SRRM4: variants seen among roughly 807,000 people sequenced by gnomAD.
SRRM4 encodes serine/arginine repetitive matrix 4, also known as serine/arginine repetitive matrix protein 4.
A neutral mutation model predicts 68.9 loss-of-function variants in SRRM4; 33 were observed. The observed-to-expected ratio is 0.48, with a 90% confidence interval of 0.36 to 0.64. The LOEUF (loss-of-function observed/expected upper bound fraction) is 0.64. Ranked by LOEUF, SRRM4 falls within the 30% of genes least tolerant of loss-of-function variation. The pLI is 0.00. For missense variants in SRRM4, 817 were observed against 827.1 expected, an observed-to-expected ratio of 0.99 and a Z score of 0.15; for synonymous variants, 318 against 318.8, an observed-to-expected ratio of 1.00 and a Z score of 0.03.
Position 119,062,044 on chromosome 12 carries a change from C to T in SRRM4, c.132-40192C>T, listed in dbSNP as rs1163003712. On this transcript the variant is annotated intron_variant, in intron 1 of 12. Transcript: ENST00000267260. ...CTTACACCAATCTAGATGGGATAGC[C>T]TACTTCACACCTAGGCTGTATGGTA... Among the ~76,000 whole-genome samples the T allele has an allele frequency of 2.0e-5, 3 of 152,140 alleles. No individual in the cohort carries two copies. The East Asian group carries it at 5.8e-4, about 29-fold the overall frequency.
intron 2 of SRRM4, among the ~76,000 whole-genome samples, chr12:119,106,603 C>T (rs1592900057): frequency 6.6e-6 from 1 of 151,706 alleles, no homozygotes; most frequent in Non-Finnish European, 1.5e-5. Context: ...TGATTTGGCT[C>T]TCTGTTTGTC....
chr12:119,120,572 A>T (rs767626814), intron 5 of SRRM4, among the ~76,000 whole-genome samples: 4 of 152,176 alleles, frequency 2.6e-5, no homozygotes, highest in Non-Finnish European at 5.9e-5. Flanking sequence ...ACTGGGGCAC[A>T]TAGGGAAACA....
chr12:119,091,718 T>A (rs1346882370), intron 1 of SRRM4, among the ~76,000 whole-genome samples: 1 of 152,170 alleles, frequency 6.6e-6, no homozygotes, highest in African/African-American at 2.4e-5. Context: ...GCAGAGTCTA[T>A]CCGATGGGTC....
intron 1 of SRRM4, among the ~76,000 whole-genome samples, chr12:119,065,462 T>C (rs7952877): frequency 0.57 from 86,533 of 151,952 alleles, 25,667 homozygotes; most frequent in Middle Eastern, 0.74. Flanking sequence ...GGTGGCCAGG[T>C]GCGGTGGTTC....
intron 1 of SRRM4, among the ~76,000 whole-genome samples, chr12:119,088,881 A>G (rs1259803527): frequency 6.6e-6 from 1 of 152,204 alleles, no homozygotes. Context: ...GACAGCTAAC[A>G]TTGATTAAGT....
chr12:119,149,674 G>A (rs1052051580), intron 9 of SRRM4, among the ~76,000 whole-genome samples: 1 of 152,130 alleles, frequency 6.6e-6, no homozygotes, highest in Non-Finnish European at 1.5e-5. Flanking sequence ...AATGGAGAGG[G>A]TTTGCAGACA....
At chr12:119,117,789 G>A (rs1350946504) in intron 4 of SRRM4, among the ~76,000 whole-genome samples, 3 of 152,162 alleles carry the variant, frequency 2.0e-5, no homozygotes, top group Admixed American at 6.5e-5. Context: ...GCACGTGCCT[G>A]TAATCCCAGC....
intron 10 of SRRM4, among the ~76,000 whole-genome samples, chr12:119,152,822 C>T (rs1169162773): frequency 6.6e-6 from 1 of 152,168 alleles, no homozygotes; most frequent in East Asian, 1.9e-4. Flanking sequence ...GAGGCATTAA[C>T]AGAAAGCAAA....
At chr12:119,016,141 G>C (rs973716054) in intron 1 of SRRM4, among the ~76,000 whole-genome samples, 2 of 152,158 alleles carry the variant, frequency 1.3e-5, no homozygotes, top group African/African-American at 2.4e-5. Context: ...CACAAACCTA[G>C]GAATGCCAGA....
chr12:119,134,898 GT>G (rs1368885813), intron 8 of SRRM4, among the ~76,000 whole-genome samples: 91 of 152,322 alleles, frequency 6.0e-4, no homozygotes. Context: ...ATGCATAGGA[GT>G]TCATTGGGTT....
chr12:119,146,633 A>AGTCACT (rs1311839191), intron 9 of SRRM4, among the ~76,000 whole-genome samples: 44 of 150,260 alleles, frequency 2.9e-4, no homozygotes, highest in African/African-American at 1.1e-3. Context: ...ATTAATTGTA[A>AGTCACT]GTCATTTAAG....
chr12:119,059,120 T>A (rs565480576), intron 1 of SRRM4, among the ~76,000 whole-genome samples: 6 of 152,306 alleles, frequency 3.9e-5, no homozygotes, highest in African/African-American at 1.4e-4. Context: ...CTCAGCCCTG[T>A]AACCACTTCT....
intron 1 of SRRM4, among the ~76,000 whole-genome samples, chr12:119,043,993 A>C (rs1437567404): frequency 1.3e-5 from 2 of 152,050 alleles, no homozygotes; most frequent in African/African-American, 4.8e-5. Context: ...CAACCTCCCA[A>C]GTAGCTGGGA....
intron 1 of SRRM4, among the ~76,000 whole-genome samples, chr12:119,045,519 C>A (rs1372608869): frequency 7.1e-6 from 1 of 140,608 alleles, no homozygotes; most frequent in Admixed American, 7.6e-5. Context: ...CAGAGACACA[C>A]CCTGCTTCTC....
intron 1 of SRRM4, among the ~76,000 whole-genome samples, chr12:119,080,806 C>A (rs1331555657): frequency 6.6e-6 from 1 of 152,202 alleles, no homozygotes; most frequent in African/African-American, 2.4e-5. Context: ...TGCCCTAAAT[C>A]TACTCATTCG....
intron 1 of SRRM4, among the ~76,000 whole-genome samples, chr12:119,022,268 G>A (rs1053987574): frequency 3.9e-5 from 6 of 152,102 alleles, no homozygotes; most frequent in Non-Finnish European, 7.4e-5. Context: ...ACTTGACTCC[G>A]ATGATTTCAC....
At chr12:119,000,528 G>T (rs4357755) in intron 1 of SRRM4, among the ~76,000 whole-genome samples, 42,754 of 152,064 alleles carry the variant, frequency 0.28, 6,279 homozygotes, top group Admixed American at 0.32. Flanking sequence ...AGTGTTCTTG[G>T]TCTCCATTTA....
intron 1 of SRRM4, among the ~76,000 whole-genome samples, chr12:119,054,249 G>C (rs535101674): frequency 6.6e-6 from 1 of 152,122 alleles, no homozygotes; most frequent in South Asian, 2.1e-4. Context: ...GTATTCCTTT[G>C]TGTATATGTA....
chr12:119,109,777 C>T (rs1055810682), intron 2 of SRRM4, among the ~76,000 whole-genome samples: 25 of 152,312 alleles, frequency 1.6e-4, no homozygotes, highest in Middle Eastern at 3.4e-3. Flanking sequence ...CCTCCTTTAG[C>T]GCAGAGAAGT....
Sources: allele counts gnomAD v4.1 joint callset (sites outside exome capture counted in the v4.1 genomes callset), GRCh38; gene constraint gnomAD v4.1.1; transcripts MANE v1.5; gene names NCBI Gene and HGNC (gene_info 2026-07-23, HGNC 2026-07-21).